Variants in ATG4C observed in about 807,000 individuals in gnomAD.
ATG4C encodes the protein autophagy related 4C cysteine peptidase.
ATG4C carries 56 observed loss-of-function variants against 57.6 expected under a neutral mutation model. The ratio of observed to expected loss-of-function variants is 0.97; its 90% confidence interval spans 0.78 to 1.21. The LOEUF (loss-of-function observed/expected upper bound fraction) is 1.21. Among genes scored for constraint, ATG4C ranks in the 50% most tolerant of loss-of-function variants. The pLI, the probability that ATG4C is intolerant of heterozygous loss-of-function variation, is 0.00. For synonymous variants in ATG4C, 157 were observed against 174.1 expected, an observed-to-expected ratio of 0.90 and a Z score of 0.78; for missense variants, 595 against 529.8, an observed-to-expected ratio of 1.12 and a Z score of -1.21.
chr1:62,791,048 T>G (rs1664259299), intron 1 of ATG4C, among the ~76,000 whole-genome samples: 1 of 152,240 alleles, frequency 6.6e-6, no homozygotes, highest in South Asian at 2.1e-4. Flanking sequence ...TTGTTGTGAC[T>G]GTATTTTACC....
rs766058765 is a variant in ATG4C, at chr1:62,816,825, T to TTTTTG, written c.394+37_394+41dup. ...TTGGTAGAGGTAAATCAAATTTCTG[T>TTTTTG]TTTTGTTTTGTTTTGTTTTGTTTTT... On this transcript the variant is annotated intron_variant, in intron 4 of 10. Coordinates refer to ENST00000317868, the MANE Select transcript of ATG4C (RefSeq NM_032852.4). 36 of 1,485,846 alleles carry TTTTTG rather than the reference T, an allele frequency of 2.4e-5. No individual in the cohort carries two copies. The highest frequency in any genetic ancestry group is 2.8e-5 in the Non-Finnish European group (31 of 1,110,178). 92.0% of individuals were successfully genotyped at this position (1,485,846 alleles called of 1,614,324 possible). A position where few individuals can be genotyped will look rare whatever the true frequency, so the allele number is the denominator to read the frequency against.
chr1:62,839,713 A>G (rs937636067), intron 9 of ATG4C, among the ~76,000 whole-genome samples: 2 of 152,210 alleles, frequency 1.3e-5, no homozygotes, highest in African/African-American at 4.8e-5. Flanking sequence ...TCAATGTTAG[A>G]AAAAGTCCAA....
At chr1:62,858,483 T>C (rs1666752137) in intron 10 of ATG4C, among the ~76,000 whole-genome samples, 1 of 152,016 alleles carries the variant, frequency 6.6e-6, no homozygotes, top group South Asian at 2.1e-4. Flanking sequence ...TTGAGACAGA[T>C]AGTAGGTAAT....
chr1:62,794,475 C>G (rs1664393934), intron 1 of ATG4C, among the ~76,000 whole-genome samples: 1 of 152,166 alleles, frequency 6.6e-6, no homozygotes, highest in Non-Finnish European at 1.5e-5. Flanking sequence ...TAAGATTTTT[C>G]TTGAGGCAAA....
rs542515368 is a variant in ATG4C, at chr1:62,841,301, T to C, written c.1090-127T>C. On this transcript the variant is annotated intron_variant, in intron 9 of 10. Coordinates refer to ENST00000317868, the MANE Select transcript of ATG4C (RefSeq NM_032852.4). ...AGAGGACCATCTGCGTAGGATGAAC[T>C]AAAACACCATTTGAAAATCATGTTT... 4 of 834,628 alleles carry C rather than the reference T, an allele frequency of 4.8e-6. No individual in the cohort carries two copies. The African/African-American group carries it at 7.1e-5, about 15-fold the overall frequency. 51.7% of individuals were successfully genotyped at this position (834,628 alleles called of 1,614,324 possible).
intron 1 of ATG4C, among the ~76,000 whole-genome samples, chr1:62,788,033 G>A (rs1008266410): frequency 1.3e-5 from 2 of 152,160 alleles, no homozygotes; most frequent in African/African-American, 4.8e-5. Context: ...AGATACACCA[G>A]CACATAACAT....
chr1:62,812,495 A>G (rs1665121036), intron 3 of ATG4C, among the ~76,000 whole-genome samples: 1 of 152,194 alleles, frequency 6.6e-6, no homozygotes, highest in Non-Finnish European at 1.5e-5. Flanking sequence ...GCTATTTATG[A>G]CAAACCCATA....
intron 1 of ATG4C, among the ~76,000 whole-genome samples, chr1:62,796,157 ATT>A (rs566391318): frequency 3.0e-5 from 3 of 101,418 alleles, no homozygotes; most frequent in Non-Finnish European, 4.4e-5. Context: ...ATGCATTTTA[ATT>A]TTTTTTTTTT....
intron 9 of ATG4C, among the ~76,000 whole-genome samples, chr1:62,840,111 G>T (rs756944621): frequency 6.6e-6 from 1 of 152,142 alleles, no homozygotes; most frequent in East Asian, 1.9e-4. Context: ...GGCATTGAAT[G>T]TAGGGAAACT....
rs1032838796 is a variant in ATG4C, at chr1:62,821,216, A to G, written c.796+7A>G. The G allele has an allele frequency of 1.6e-5, 24 of 1,547,356 alleles. No homozygotes were observed. The highest frequency in any genetic ancestry group is 2.8e-5 in the African/African-American group (2 of 72,452). On this transcript the variant is annotated splice_region_variant and intron_variant, in intron 6 of 10. Transcript: ENST00000317868. Reference sequence around the variant, plus strand: ...GTTGCACAAGATTGTACAGGTAAGGAATGTATATAATTCTAATCTTTGTTT... The same window carrying G: ...GTTGCACAAGATTGTACAGGTAAGGGATGTATATAATTCTAATCTTTGTTT...
At chr1:62,848,898 A>G (rs1666406331) in intron 10 of ATG4C, among the ~76,000 whole-genome samples, 2 of 152,208 alleles carry the variant, frequency 1.3e-5, no homozygotes, top group African/African-American at 4.8e-5. Context: ...TTTTCACATT[A>G]TATTTTTGAA....
At chr1:62,843,415 C>T (rs933296645) in intron 10 of ATG4C, among the ~76,000 whole-genome samples, 1 of 152,140 alleles carries the variant, frequency 6.6e-6, no homozygotes, top group Non-Finnish European at 1.5e-5. Context: ...CAGTTAATGA[C>T]ACAGTTTCTT....
At chr1:62,786,808 A>G (rs2100271166) in intron 1 of ATG4C, among the ~76,000 whole-genome samples, 1 of 152,308 alleles carries the variant, frequency 6.6e-6, no homozygotes, top group South Asian at 2.1e-4. Flanking sequence ...GGTAAATGCT[A>G]TTAAAAAAGG....
At chr1:62,838,418 C>T (rs149772568) in intron 9 of ATG4C, among the ~76,000 whole-genome samples, 129 of 152,260 alleles carry the variant, frequency 8.5e-4, no homozygotes, top group Middle Eastern at 6.8e-3. Context: ...ACTTGTTCTG[C>T]AATAGACAAC....
At chr1:62,833,470 T>G (rs1254757293) in intron 7 of ATG4C, among the ~76,000 whole-genome samples, 1 of 152,188 alleles carries the variant, frequency 6.6e-6, no homozygotes, top group African/African-American at 2.4e-5. Context: ...GTAAAATAAA[T>G]TGGCTTTAAA....
In ATG4C at chr1:62,794,416, A is replaced by T. The variant is rs111602492; in HGVS notation, c.-68-9303A>T. 9.0e-3 allele frequency among the ~76,000 whole-genome samples: 1,367 copies of T among 152,294 alleles called. 13 individuals carry two copies. Among genetic ancestry groups the T allele is most frequent in the Non-Finnish European group, 0.014 (975 of 68,016 alleles). ...TTATAAAGTAGCTGTGCATTGATTC[A>T]GTGTTTTTTATTGGAGGATGTGATC... On this transcript the variant is annotated intron_variant, in intron 1 of 10. Coordinates refer to ENST00000317868, the MANE Select transcript of ATG4C (RefSeq NM_032852.4).
intron 1 of ATG4C, chr1:62,785,109 C>G (rs1304180526): frequency 6.6e-6 from 1 of 152,126 alleles, no homozygotes; most frequent in Non-Finnish European, 1.5e-5. Context: ...TTTTCCTGCT[C>G]GGACCATATG....
At position 62,789,659 on chromosome 1, in the gene ATG4C, A is replaced by G. The variant is rs1223934329; in HGVS notation, c.-69+5386A>G. On this transcript the variant is annotated intron_variant, in intron 1 of 10. Transcript: ENST00000317868. ...AAACCCCATCTCTACTAAAAAATAA[A>G]AAAACAAATGAGCCGGGCGTGGTGG... 2.0e-5 allele frequency among the ~76,000 whole-genome samples: 3 copies of G among 151,444 alleles called. No individual in the cohort carries two copies. The East Asian group carries it at 5.9e-4, about 30-fold the overall frequency.
intron 3 of ATG4C, among the ~76,000 whole-genome samples, chr1:62,815,491 A>G (rs1376479007): frequency 2.6e-5 from 4 of 152,142 alleles, no homozygotes; most frequent in East Asian, 1.9e-4. Flanking sequence ...GTAAATTACT[A>G]TTATTTTGGT....
Sources: allele counts gnomAD v4.1 joint callset (sites outside exome capture counted in the v4.1 genomes callset), GRCh38; gene constraint gnomAD v4.1.1; transcripts MANE v1.5; gene names NCBI Gene and HGNC (gene_info 2026-07-23, HGNC 2026-07-21).